TFB1M: variants seen among roughly 807,000 people sequenced by gnomAD.
TFB1M encodes dimethyladenosine transferase 1, mitochondrial.
TFB1M carries 27 observed loss-of-function variants against 31.1 expected under a neutral mutation model. The ratio of observed to expected loss-of-function variants is 0.87; its 90% CI spans 0.64 to 1.20. The LOEUF is 1.20. Among genes scored for constraint, TFB1M ranks in the 50% most tolerant of loss-of-function variants. The pLI is 0.00. For missense variants in TFB1M, 394 were observed against 418.7 expected, an observed-to-expected ratio of 0.94 and a Z score of 0.51; for synonymous variants, 166 against 151.8, an observed-to-expected ratio of 1.09 and a Z score of -0.69.
intron 4 of TFB1M, among the ~76,000 whole-genome samples, chr6:155,295,297 C>T (rs940926896): frequency 4.6e-5 from 7 of 151,394 alleles, no homozygotes; most frequent in East Asian, 1.9e-4. Flanking sequence ...ACCCGGGAGA[C>T]GGAGCTTGCA....
At chr6:155,253,090 T>C (rs755728303), downstream of TFB1M, 5 of 1,536,944 alleles carry the variant, frequency 3.3e-6, no homozygotes, top group South Asian at 5.7e-5. Context: ...AGAAAAAGCA[T>C]TTTAGTAGAC....
In TFB1M at chr6:155,258,160, T is replaced by C. The variant is rs146645092; in HGVS notation, c.795-78A>G. ...AATCATGACACTTTTTAACCCTCAT[T>C]TGAAAACAACACAACACAGTTGCTG... On this transcript the variant is annotated intron_variant, in intron 6 of 6. Coordinates refer to ENST00000367166, the MANE Select transcript of TFB1M (RefSeq NM_016020.4). 1.3e-4 allele frequency: 206 copies of C among 1,549,602 alleles called. 1 individual carries two copies. The East Asian group carries it at 4.2e-3, about 31-fold the overall frequency.
At chr6:155,245,770 T>TTTTTG in the TFB1M span, 1 of 1,406,000 alleles carries the variant, frequency 7.1e-7, no homozygotes, top group Non-Finnish European at 9.7e-7. Context: ...TTTTTTTTTT[T>TTTTTG]GCATTTTTAA....
At chr6:155,265,541 T>C (rs1015147554) in intron 5 of TFB1M, among the ~76,000 whole-genome samples, 3 of 151,634 alleles carry the variant, frequency 2.0e-5, no homozygotes, top group African/African-American at 7.3e-5. Flanking sequence ...GTCAAATCAC[T>C]TTAAATTTGT....
In TFB1M at chr6:155,264,720, A is replaced by G. The variant is rs117668219; in HGVS notation, c.667-4320T>C. ...TCCTCTCAGAGCAGATGTGGTAGGA[A>G]GAACTGAGGCCAAGAGAATGACAGC... On this transcript the variant is annotated intron_variant, in intron 5 of 6. Transcript: ENST00000367166. Among the ~76,000 whole-genome samples, 52 of 152,332 alleles carry G rather than the reference A, an allele frequency of 3.4e-4. No individual in the cohort carries two copies. In the East Asian group the frequency reaches 8.9e-3, roughly 26 times the overall value.
chr6:155,286,670 CAT>C (rs202239606), intron 4 of TFB1M, among the ~76,000 whole-genome samples: 2 of 146,394 alleles, frequency 1.4e-5, no homozygotes, highest in South Asian at 2.1e-4. Context: ...TGTATATATA[CAT>C]ATATATATAT....
chr6:155,275,781 T>G (rs763318129), intron 5 of TFB1M: 2 of 1,614,024 alleles, frequency 1.2e-6, no homozygotes, highest in Non-Finnish European at 8.5e-7. Context: ...GTCTCTGGAG[T>G]GCTCACAGCC....
In TFB1M at chr6:155,256,287, T is replaced by TA. The variant is rs1254580494; in HGVS notation, c.*1548dup. 2.7e-6 allele frequency: 2 copies of TA among 745,146 alleles called. No individual in the cohort carries two copies. Among genetic ancestry groups the TA allele is most frequent in the Non-Finnish European group, 4.3e-6 (2 of 466,690 alleles). 46.2% of individuals were successfully genotyped at this position (745,146 alleles called of 1,614,324 possible). A position where few individuals can be genotyped will look rare whatever the true frequency, so the allele number is the denominator to read the frequency against. ...TCTAAAAATGCTGAATTGCCTAACT[T>TA]ACAACTGTAAACCTAAGTCAAAAAT... is the stretch of plus-strand genomic sequence containing the variant. On this transcript the variant is annotated 3_prime_UTR_variant, in exon 7 of 7. Coordinates refer to ENST00000367166, the MANE Select transcript of TFB1M (RefSeq NM_016020.4).
downstream of TFB1M, chr6:155,254,529 G>T (rs1783881007): frequency 6.2e-7 from 1 of 1,613,986 alleles, no homozygotes; most frequent in Non-Finnish European, 8.5e-7. Flanking sequence ...TGTAAGGATC[G>T]CCTGGTACCT....
At chr6:155,254,437 C>G (rs761034638), downstream of TFB1M, 9 of 1,612,690 alleles carry the variant, frequency 5.6e-6, no homozygotes, top group South Asian at 7.7e-5. Context: ...AAAGCAAAAC[C>G]AACATTGTTA....
chr6:155,314,008 G>T, intron 1 of TFB1M: 2 of 948,350 alleles, frequency 2.1e-6, no homozygotes, highest in Non-Finnish European at 2.9e-6. Flanking sequence ...ATTCACTAGC[G>T]CCTTTCACGA....
the TFB1M span, among the ~76,000 whole-genome samples, chr6:155,244,493 A>G: frequency 6.6e-6 from 1 of 152,240 alleles, no homozygotes; most frequent in African/African-American, 2.4e-5. Context: ...CTTTCTATGT[A>G]TAAGCCATAT....
chr6:155,285,117 T>C (rs767968504), intron 5 of TFB1M, 41 bp downstream of exon 5: 1 of 1,612,014 alleles, frequency 6.2e-7, no homozygotes, highest in South Asian at 1.1e-5. Context: ...GGAACAAACG[T>C]CCTAATTCCG....
At chr6:155,274,192 C>T (rs972421735) in intron 5 of TFB1M, among the ~76,000 whole-genome samples, 3 of 152,156 alleles carry the variant, frequency 2.0e-5, no homozygotes, top group Admixed American at 1.3e-4. Context: ...ATATGAATCA[C>T]GACAGAGCCA....
intron 4 of TFB1M, among the ~76,000 whole-genome samples, chr6:155,286,116 T>G (rs913509556): frequency 6.6e-6 from 1 of 151,960 alleles, no homozygotes; most frequent in Non-Finnish European, 1.5e-5. Flanking sequence ...TAACACACGA[T>G]AGATGCGATG....
At chr6:155,258,655 ATT>A (rs1477964664) in intron 6 of TFB1M, among the ~76,000 whole-genome samples, 1 of 152,226 alleles carries the variant, frequency 6.6e-6, no homozygotes, top group East Asian at 1.9e-4. Context: ...AAATTGAACC[ATT>A]GTTTTAAAAT....
intron 2 of TFB1M, among the ~76,000 whole-genome samples, chr6:155,308,988 A>G (rs1374418575): frequency 6.6e-6 from 1 of 152,310 alleles, no homozygotes; most frequent in Middle Eastern, 3.4e-3. Flanking sequence ...TTTTAAGGCA[A>G]ATTCCTTTCC....
chr6:155,240,410 C>T, the TFB1M span: 3 of 1,090,412 alleles, frequency 2.8e-6, no homozygotes, highest in African/African-American at 1.6e-5. Flanking sequence ...CTTTGCCCTA[C>T]ACAGAGGCCC....
At chr6:155,268,331 A>C (rs997711071) in intron 5 of TFB1M, among the ~76,000 whole-genome samples, 4 of 152,158 alleles carry the variant, frequency 2.6e-5, no homozygotes, top group Admixed American at 6.5e-5. Context: ...TCTTGAAGAA[A>C]ATGTCAGCCA....
Sources: gnomAD v4.1 joint callset for allele counts (sites outside exome capture counted in the v4.1 genomes callset) on GRCh38, gnomAD v4.1.1 for gene constraint, MANE v1.5 for transcripts, NCBI Gene and HGNC (gene_info 2026-07-23, HGNC 2026-07-21) for gene names.